PC: variants seen among roughly 807,000 people sequenced by gnomAD.
PC encodes pyruvate carboxylase, mitochondrial.
Under a neutral mutation model 107.8 loss-of-function variants are expected in PC, and 46 were observed. That is an observed-to-expected ratio of 0.43 (90% CI 0.34 to 0.55). The LOEUF is 0.55. Among genes scored for constraint, PC ranks in the 20% least tolerant of loss-of-function variants. PC has a pLI of 0.04. For synonymous variants in PC, 662 were observed against 684.7 expected (o/e 0.97, Z 0.52); for missense variants, 1,241 against 1,643.1 (o/e 0.76, Z 4.23).
intron 3 of PC, among the ~76,000 whole-genome samples, chr11:66,899,409 C>G (rs989506684): frequency 1.1e-4 from 16 of 152,118 alleles, no homozygotes; most frequent in Non-Finnish European, 2.4e-4. Context: ...TTTTACTTGA[C>G]AGAGTCTCAC....
chr11:66,953,626 C>T (rs1345846189), intron 2 of PC, among the ~76,000 whole-genome samples: 1 of 152,174 alleles, frequency 6.6e-6, no homozygotes, highest in African/African-American at 2.4e-5. Context: ...CAGATAACGT[C>T]AAGGCTGAAA....
intron 12 of PC, among the ~76,000 whole-genome samples, chr11:66,853,654 G>A (rs1173682812): frequency 6.6e-6 from 1 of 152,152 alleles, no homozygotes; most frequent in Non-Finnish European, 1.5e-5. Context: ...CCGCAGCCTA[G>A]AACAGGGCTC....
intron 3 of PC, among the ~76,000 whole-genome samples, chr11:66,893,175 C>T (rs1947636388): frequency 6.6e-6 from 1 of 152,196 alleles, no homozygotes; most frequent in African/African-American, 2.4e-5. Flanking sequence ...CACGGGCTTG[C>T]CTGACTCCAG....
Position 66,852,761 on chromosome 11 carries a change from G to T in PC, c.1589C>A (p.Pro530His). Residue 530 changes from proline to histidine, a missense_variant, in exon 14 of 23, where the codon CCT (proline) becomes CAT (histidine). Around this residue, in one of 2 missense-constraint regions of PC, gnomAD observed 1,143 missense variants for 1,551.9 expected, o/e 0.74. Transcript: ENST00000393960. The surrounding 1 kb of genome is among the most constrained non-coding windows in gnomAD (Gnocchi z 4.7). ...ASPSPTDPVV[P>H]AVPIGPPPAG... ...ATCTCACCTACCTATGGGCACTGCA[G>T]GGACAACGGGGTCCGTGGGGCTGGG... The T allele has an allele frequency of 6.2e-7, 1 of 1,606,242 alleles. No homozygotes were observed. Among genetic ancestry groups the T allele is most frequent in the South Asian group, 1.1e-5 (1 of 90,578 alleles).
chr11:66,949,383 T>C (rs545063033), intron 3 of PC, among the ~76,000 whole-genome samples: 1 of 152,094 alleles, frequency 6.6e-6, no homozygotes, highest in Admixed American at 6.5e-5. Context: ...AATTTGCAAA[T>C]GGGACCAAGC....
Position 66,849,442 on chromosome 11 carries a change from G to A in PC, c.3148-72C>T, listed in dbSNP as rs536414447. ...AGCAGTCCCCCGGCCCTGGCCATAG[G>A]AAGTCCCCACACTGGGCCTTGGCTC... is the stretch of plus-strand genomic sequence containing the variant. On this transcript the variant is annotated intron_variant, in intron 21 of 22. Transcript: ENST00000393960. 5.7e-5 allele frequency: 91 copies of A among 1,607,410 alleles called. No homozygotes were observed. In the African/African-American group the frequency reaches 1.2e-3, roughly 21 times the overall value.
At chr11:66,950,181 C>T (rs973997917) in intron 3 of PC, among the ~76,000 whole-genome samples, 1 of 152,176 alleles carries the variant, frequency 6.6e-6, no homozygotes, top group African/African-American at 2.4e-5. Context: ...CTGCAGCACT[C>T]AGTGACAGAC....
intron 3 of PC, among the ~76,000 whole-genome samples, chr11:66,881,578 C>T (rs1006035101): frequency 6.6e-6 from 1 of 152,248 alleles, no homozygotes; most frequent in Non-Finnish European, 1.5e-5. Context: ...GCTGCCGCTT[C>T]CATAGCACAC....
chr11:66,872,707 C>G (rs183601622), intron 3 of PC, among the ~76,000 whole-genome samples: 13 of 151,942 alleles, frequency 8.6e-5, no homozygotes, highest in African/African-American at 2.9e-4. Context: ...TGTACTCCAG[C>G]CTGGGCGACA....
At chr11:66,869,056 G>T in intron 9 of PC, 92 bp from the exon 10 acceptor site, 1 of 973,050 alleles carries the variant, frequency 1.0e-6, no homozygotes, top group Non-Finnish European at 1.6e-6. Flanking sequence ...CCACCCATTG[G>T]GTTGGTTCCG....
At position 66,850,005 on chromosome 11, in the gene PC, C is replaced by T. The variant is rs747039077; in HGVS notation, c.2830G>A (p.Val944Met). 4 of 1,613,684 alleles carry T rather than the reference C, an allele frequency of 2.5e-6. No individual in the cohort carries two copies. Among genetic ancestry groups the T allele is most frequent in the Non-Finnish European group, 3.4e-6 (4 of 1,180,036 alleles). Residue 944 changes from valine (V) to methionine (M), a missense_variant, in exon 20 of 23, where the codon GTG becomes ATG. Val to Met is a conservative substitution (Grantham distance 21, BLOSUM62 1). This residue lies in a region of PC where 1,143 missense variants were observed against 1,551.9 expected (regional missense o/e 0.74). Coordinates refer to ENST00000393960, the MANE Select transcript of PC (RefSeq NM_001040716.2). ...QAEELSFPRS[V>M]VEFLQGYIGV... Reference sequence around the variant, plus strand: ...ATGTAGCCCTGCAGGAACTCCACCACGGAGCGGGGAAAGGACAGCTCTTCC... The same window carrying T: ...ATGTAGCCCTGCAGGAACTCCACCATGGAGCGGGGAAAGGACAGCTCTTCC...
At position 66,857,519 on chromosome 11, in the gene PC, G is replaced by T. The variant is rs1416347032; in HGVS notation, c.1369-4136C>A. ...TGCCTCACCTTGTCCCCAGCGCCTG[G>T]ACTCCCCCTTAACTGCTTGGGAAAT... On this transcript the variant is annotated intron_variant, in intron 12 of 22. Transcript: ENST00000393960. This position sits in a 1 kb window ranked among gnomAD's most constrained non-coding sequence, Gnocchi z 7.1. 4 of 518,134 alleles carry T rather than the reference G, an allele frequency of 7.7e-6. No individual in the cohort carries two copies. The highest frequency in any genetic ancestry group is 1.4e-5 in the Non-Finnish European group (4 of 295,218). The allele number at this position is 518,134 out of a possible 1,614,324, so 32.1% of individuals were successfully genotyped here. A position where few individuals can be genotyped will look rare whatever the true frequency, so the allele number is the denominator to read the frequency against.
chr11:66,936,808 G>A (rs1949013080), intron 3 of PC, among the ~76,000 whole-genome samples: 2 of 152,034 alleles, frequency 1.3e-5, no homozygotes, highest in African/African-American at 4.8e-5. Flanking sequence ...AGAAAAACTT[G>A]GGGAAGGGAA....
chr11:66,888,050 G>A (rs1947436832), intron 3 of PC, among the ~76,000 whole-genome samples: 1 of 152,196 alleles, frequency 6.6e-6, no homozygotes, highest in Non-Finnish European at 1.5e-5. Context: ...ACTTGTGATG[G>A]CATTCGGGGC....
rs1312383584 is a variant in PC at position 66,851,265 on chromosome 11, G to A, written c.1998C>T (p.Ala666=). ...DNVVFKFCEV[A]KENGMDVFRV... is the part of the protein sequence containing the mutation. ...GGAAGACATCCATGCCATTCTCTTTGGCCACTTCACAGAACCTGCAAGGGT... is the reference window on the plus strand; with the variant it reads ...GGAAGACATCCATGCCATTCTCTTTAGCCACTTCACAGAACCTGCAAGGGT... The change falls in exon 17 of 23, where the codon GCC becomes GCT. Residue 666 remains alanine (A), a synonymous_variant. Coordinates refer to ENST00000393960, the MANE Select transcript of PC (RefSeq NM_001040716.2). 1 of 1,601,212 alleles carries A rather than the reference G, an allele frequency of 6.2e-7. No individual in the cohort carries two copies. The highest frequency in any genetic ancestry group is 2.2e-5 in the East Asian group (1 of 44,886).
intron 12 of PC, chr11:66,860,321 T>G (rs770459688): frequency 7.3e-7 from 1 of 1,365,862 alleles, no homozygotes; most frequent in Non-Finnish European, 1.0e-6. Flanking sequence ...CCCTGTGTAC[T>G]TGGAGGGGCA....
chr11:66,848,450 C>T lies in PC; in HGVS notation c.*449G>A. ...AGAACGACACAACTGACCTGCCCACCCATGGGGAGCTTGAAAGGCAGCCCC... is the reference window on the plus strand; with the variant it reads ...AGAACGACACAACTGACCTGCCCACTCATGGGGAGCTTGAAAGGCAGCCCC... On this transcript the variant is annotated 3_prime_UTR_variant, in exon 23 of 23. Coordinates refer to ENST00000393960, the MANE Select transcript of PC (RefSeq NM_001040716.2). 1 of 538,808 alleles carries T rather than the reference C, an allele frequency of 1.9e-6. No individual in the cohort carries two copies. Among genetic ancestry groups the T allele is most frequent in the Non-Finnish European group, 3.3e-6 (1 of 307,616 alleles). The allele number at this position is 538,808 out of a possible 1,614,324, so 33.4% of individuals were successfully genotyped here. A position where few individuals can be genotyped will look rare whatever the true frequency, so the allele number is the denominator to read the frequency against.
In PC at chr11:66,870,524, C is replaced by T. The variant is rs1337202197; in HGVS notation, c.752-71G>A. The T allele has an allele frequency of 6.5e-7, 1 of 1,543,472 alleles. No individual in the cohort carries two copies. The highest frequency in any genetic ancestry group is 8.9e-7 in the Non-Finnish European group (1 of 1,129,492). ...CGCCTCCTAAATGCCCCATCACCCC[C>T]ACATAACCACTGTCGCCAGTCAGTG... is the stretch of plus-strand genomic sequence containing the variant. On this transcript the variant is annotated intron_variant, in intron 8 of 22. Coordinates refer to ENST00000393960, the MANE Select transcript of PC (RefSeq NM_001040716.2). The surrounding 1 kb of genome is among the most constrained non-coding windows in gnomAD (Gnocchi z 6.1).
rs984166572 is a variant in PC, at chr11:66,849,427, C to G, written c.3148-57G>C. On this transcript the variant is annotated intron_variant, in intron 21 of 22. Coordinates refer to ENST00000393960, the MANE Select transcript of PC (RefSeq NM_001040716.2). Reference sequence around the variant, plus strand: ...ACGCCAAGGTGGGAGAGCAGTCCCCCGGCCCTGGCCATAGGAAGTCCCCAC... The same window carrying G: ...ACGCCAAGGTGGGAGAGCAGTCCCCGGGCCCTGGCCATAGGAAGTCCCCAC... The G allele has an allele frequency of 7.5e-6, 12 of 1,608,914 alleles. No individual in the cohort carries two copies. The East Asian group carries it at 2.7e-4, about 36-fold the overall frequency.
Sources: allele counts gnomAD v4.1 joint callset (sites outside exome capture counted in the v4.1 genomes callset), GRCh38; gene constraint gnomAD v4.1.1; regional missense constraint gnomAD v4.1.1; non-coding constraint Gnocchi (gnomAD v3.1); transcripts MANE v1.5; gene names NCBI Gene and HGNC (gene_info 2026-07-23, HGNC 2026-07-21).